CSMD1: variants seen among roughly 807,000 people sequenced by gnomAD.
CSMD1 encodes CUB and Sushi multiple domains 1, also known as CUB and sushi domain-containing protein 1.
CSMD1 carries 213 observed loss-of-function variants against 417.5 expected under a neutral mutation model. That is an observed-to-expected ratio of 0.51 (90% CI 0.46 to 0.57). CSMD1 has a LOEUF of 0.57. CSMD1 is among the 20% of genes least tolerant of loss of function. CSMD1 has a pLI of 0.00. For missense variants in CSMD1, 6,923 were observed against 4,529.7 expected (o/e 1.53, Z -15.17); for synonymous variants, 2,862 against 1,736.8 (o/e 1.65, Z -16.11).
intron 46 of CSMD1, among the ~76,000 whole-genome samples, chr8:3,103,434 A>C (rs949788607): frequency 4.6e-5 from 7 of 152,130 alleles, no homozygotes; most frequent in African/African-American, 1.7e-4. Flanking sequence ...ACACCTGCAC[A>C]GTATGAGACT....
intron 5 of CSMD1, among the ~76,000 whole-genome samples, chr8:3,772,076 T>A (rs1486054640): frequency 6.6e-6 from 1 of 151,068 alleles, no homozygotes; most frequent in Non-Finnish European, 1.5e-5. Context: ...ATGCTACCAA[T>A]CCAGGCGGTT....
intron 12 of CSMD1, among the ~76,000 whole-genome samples, chr8:3,443,312 T>G (rs1250446606): frequency 6.6e-6 from 1 of 152,008 alleles, no homozygotes; most frequent in Non-Finnish European, 1.5e-5. Context: ...CTCTGTGGAG[T>G]GCTGTACAGC....
In CSMD1 at chr8:4,660,640, T is replaced by C. The variant is rs150356048; in HGVS notation, c.86-23082A>G. ...TATTATAAATTATAGTTCAGCAAAATTAAAAACATTTCCTCTTTGAAAAAT... is the reference window on the plus strand; with the variant it reads ...TATTATAAATTATAGTTCAGCAAAACTAAAAACATTTCCTCTTTGAAAAAT... On this transcript the variant is annotated intron_variant, in intron 1 of 69. Transcript: ENST00000635120. Among the ~76,000 whole-genome samples the C allele has an allele frequency of 2.5e-3, 374 of 151,718 alleles. 5 individuals carry two copies. Among genetic ancestry groups the C allele is most frequent in the African/African-American group, 8.8e-3 (364 of 41,406 alleles).
chr8:3,729,199 C>G (rs986119929), intron 6 of CSMD1, among the ~76,000 whole-genome samples: 1 of 152,326 alleles, frequency 6.6e-6, no homozygotes, highest in South Asian at 2.1e-4. Context: ...ATAAGCAATG[C>G]CGTCTTAAAA....
chr8:4,350,999 T>C (rs1229499056), intron 3 of CSMD1, among the ~76,000 whole-genome samples: 1 of 152,186 alleles, frequency 6.6e-6, no homozygotes, highest in Non-Finnish European at 1.5e-5. Context: ...CTCTGCTTAA[T>C]CGAAATTAAA....
chr8:4,838,310 G>A (rs1243210842), intron 1 of CSMD1, among the ~76,000 whole-genome samples: 1 of 152,120 alleles, frequency 6.6e-6, no homozygotes, highest in African/African-American at 2.4e-5. Context: ...TAACGTAAGC[G>A]TTCATGGAAA....
chr8:4,837,161 A>ATAAATTGAAAAG lies in CSMD1; in HGVS notation c.85+157170_85+157171insCTTTTCAATTTA, dbSNP rs1800543488. Among the ~76,000 whole-genome samples the ATAAATTGAAAAG allele has an allele frequency of 3.3e-5, 5 of 151,106 alleles. No homozygotes were observed. The South Asian group carries it at 1.0e-3, about 31-fold the overall frequency. On this transcript the variant is annotated intron_variant, in intron 1 of 69. Coordinates refer to ENST00000635120, the MANE Select transcript of CSMD1 (RefSeq NM_033225.6). ...GTTATGTCTAAATTGAAAAGACACTAACACATGCGGGTGAGGATGGGGAGA... is the reference window on the plus strand; with the variant it reads ...GTTATGTCTAAATTGAAAAGACACTATAAATTGAAAAGACACATGCGGGTGAGGATGGGGAGA...
chr8:4,570,355 A>G (rs1798824263), intron 2 of CSMD1, among the ~76,000 whole-genome samples: 2 of 152,138 alleles, frequency 1.3e-5, no homozygotes, highest in South Asian at 4.1e-4. Context: ...GGGATGTTGA[A>G]TTTTATCGAA....
chr8:4,992,491 G>T (rs1040270563), intron 1 of CSMD1, among the ~76,000 whole-genome samples: 1 of 152,184 alleles, frequency 6.6e-6, no homozygotes, highest in Admixed American at 6.5e-5. Flanking sequence ...GGGAAAGGGC[G>T]GGAAGTTTTG....
At chr8:4,374,748 C>G (rs1185511270) in intron 3 of CSMD1, among the ~76,000 whole-genome samples, 1 of 152,056 alleles carries the variant, frequency 6.6e-6, no homozygotes, top group East Asian at 1.9e-4. Flanking sequence ...GCAGAGACGT[C>G]CAAGTGGTTC....
At chr8:3,758,514 G>A (rs1361176673) in intron 5 of CSMD1, among the ~76,000 whole-genome samples, 1 of 152,146 alleles carries the variant, frequency 6.6e-6, no homozygotes, top group Non-Finnish European at 1.5e-5. Flanking sequence ...TACAGGGCCA[G>A]GAGCTAATCT....
intron 3 of CSMD1, among the ~76,000 whole-genome samples, chr8:4,319,623 G>C (rs946243304): frequency 6.6e-6 from 1 of 152,096 alleles, no homozygotes; most frequent in African/African-American, 2.4e-5. Flanking sequence ...GAAAACAAAA[G>C]GGTGAATTAC....
chr8:4,186,145 C>A (rs1798663051), intron 3 of CSMD1, among the ~76,000 whole-genome samples: 1 of 152,136 alleles, frequency 6.6e-6, no homozygotes, highest in Non-Finnish European at 1.5e-5. Flanking sequence ...CATCCAGAGG[C>A]CACTGGAGCA....
At chr8:3,843,405 T>C (rs905225977) in intron 5 of CSMD1, among the ~76,000 whole-genome samples, 1 of 152,196 alleles carries the variant, frequency 6.6e-6, no homozygotes, top group Non-Finnish European at 1.5e-5. Flanking sequence ...ATTTCAGATA[T>C]TTAAAGTCAA....
At chr8:3,952,593 C>T (rs887926869) in intron 5 of CSMD1, among the ~76,000 whole-genome samples, 1 of 152,028 alleles carries the variant, frequency 6.6e-6, no homozygotes, top group Non-Finnish European at 1.5e-5. Context: ...CACCAAGAGA[C>T]AGGGAGAGAG....
chr8:4,054,496 T>C (rs866883674), intron 3 of CSMD1, among the ~76,000 whole-genome samples: 1 of 152,104 alleles, frequency 6.6e-6, no homozygotes, highest in Non-Finnish European at 1.5e-5. Flanking sequence ...GCTTTTGTCA[T>C]GTCGGTTTCG....
At chr8:3,241,802 A>T (rs921157413) in intron 26 of CSMD1, among the ~76,000 whole-genome samples, 1 of 152,138 alleles carries the variant, frequency 6.6e-6, no homozygotes, top group Non-Finnish European at 1.5e-5. Flanking sequence ...AGGAACTGCA[A>T]CTTAGAAATA....
intron 5 of CSMD1, among the ~76,000 whole-genome samples, chr8:3,921,117 G>A (rs999422785): frequency 6.6e-6 from 1 of 152,040 alleles, no homozygotes; most frequent in African/African-American, 2.4e-5. Flanking sequence ...TTTGAAAGAA[G>A]GTTGAACACT....
intron 26 of CSMD1, among the ~76,000 whole-genome samples, chr8:3,276,246 T>C (rs1802282009): frequency 6.6e-6 from 1 of 152,044 alleles, no homozygotes; most frequent in Non-Finnish European, 1.5e-5. Flanking sequence ...TTCTTGGGGG[T>C]CAGGGACCCA....
Sources: gnomAD v4.1 joint callset for allele counts (sites outside exome capture counted in the v4.1 genomes callset) on GRCh38, gnomAD v4.1.1 for gene constraint, MANE v1.5 for transcripts, NCBI Gene and HGNC (gene_info 2026-07-23, HGNC 2026-07-21) for gene names.